Variants in MAGI2 observed in about 807,000 individuals in gnomAD.
The protein encoded by MAGI2 is membrane associated guanylate kinase, WW and PDZ domain containing 2, also known as membrane-associated guanylate kinase, WW and PDZ domain-containing protein 2.
Under a neutral mutation model 133.3 loss-of-function variants are expected in MAGI2, and 35 were observed. That is an observed-to-expected ratio of 0.26 (90% CI 0.20 to 0.35). The LOEUF is 0.35. Ranked by LOEUF, MAGI2 falls within the 10% of genes least tolerant of loss-of-function variation. The probability of loss-of-function intolerance (pLI) is 1.00; values close to 1 mark genes in which losing one functional copy is unlikely to be tolerated. For missense variants in MAGI2, 1,636 were observed against 1,863.4 expected (o/e 0.88, Z 2.25); for synonymous variants, 729 against 710.6 (o/e 1.03, Z -0.41).
At chr7:79,404,981 A>C (rs1033411714) in intron 1 of MAGI2, among the ~76,000 whole-genome samples, 1 of 152,028 alleles carries the variant, frequency 6.6e-6, no homozygotes, top group African/African-American at 2.4e-5. Context: ...ACATGAGTGC[A>C]TGGGTCTCCT....
intron 1 of MAGI2, among the ~76,000 whole-genome samples, chr7:79,378,229 G>T (rs1003182238): frequency 4.0e-5 from 6 of 150,624 alleles, no homozygotes; most frequent in Admixed American, 1.3e-4. Flanking sequence ...GAGACAACAG[G>T]AAAAGGTCAT....
intron 21 of MAGI2, among the ~76,000 whole-genome samples, chr7:78,063,162 C>A (rs1813452354): frequency 6.6e-6 from 1 of 152,158 alleles, no homozygotes; most frequent in Admixed American, 6.5e-5. Flanking sequence ...TTTTACCCTC[C>A]CATTAAAAAA....
chr7:79,096,074 TAACCA>T (rs1375193468), intron 1 of MAGI2, among the ~76,000 whole-genome samples: 1 of 152,128 alleles, frequency 6.6e-6, no homozygotes, highest in East Asian at 1.9e-4. Flanking sequence ...GGCCTCCCCA[TAACCA>T]TTATCCTTTT....
chr7:78,104,195 A>C (rs1818449901), intron 20 of MAGI2, among the ~76,000 whole-genome samples: 1 of 152,114 alleles, frequency 6.6e-6, no homozygotes, highest in African/African-American at 2.4e-5. Flanking sequence ...GGAGCAGCTC[A>C]TGAGAACTTC....
At chr7:78,557,300 C>T (rs767861242) in intron 3 of MAGI2, among the ~76,000 whole-genome samples, 2 of 151,906 alleles carry the variant, frequency 1.3e-5, no homozygotes, top group Non-Finnish European at 2.9e-5. Context: ...TATATCTTGC[C>T]AGAACAACAA....
intron 3 of MAGI2, among the ~76,000 whole-genome samples, chr7:78,604,164 T>C (rs1554495000): frequency 1.3e-5 from 2 of 151,862 alleles, no homozygotes; most frequent in Non-Finnish European, 2.9e-5. Context: ...AAACGATGAG[T>C]AGGATTTAAG....
intron 2 of MAGI2, among the ~76,000 whole-genome samples, chr7:78,870,696 G>A (rs946809165): frequency 2.0e-5 from 3 of 152,130 alleles, no homozygotes; most frequent in Non-Finnish European, 4.4e-5. Flanking sequence ...TCACTCTACT[G>A]GGTATCTACC....
At chr7:78,588,609 C>A (rs1563209475) in intron 3 of MAGI2, among the ~76,000 whole-genome samples, 1 of 152,294 alleles carries the variant, frequency 6.6e-6, no homozygotes, top group African/African-American at 2.4e-5. Context: ...AGATGACTGG[C>A]TGAGCTCCTA....
intron 2 of MAGI2, among the ~76,000 whole-genome samples, chr7:78,689,262 C>A (rs1332546986): frequency 6.6e-6 from 1 of 152,048 alleles, no homozygotes; most frequent in Non-Finnish European, 1.5e-5. Flanking sequence ...TAGATTATAA[C>A]CACAGTACAA....
chr7:79,193,018 G>A (rs1255173426), intron 1 of MAGI2, among the ~76,000 whole-genome samples: 1 of 151,768 alleles, frequency 6.6e-6, no homozygotes, highest in African/African-American at 2.4e-5. Context: ...ATATGTTTGG[G>A]ATGTAAAATC....
chr7:79,283,776 G>A (rs1374027152), intron 1 of MAGI2, among the ~76,000 whole-genome samples: 1 of 151,998 alleles, frequency 6.6e-6, no homozygotes, highest in Non-Finnish European at 1.5e-5. Context: ...GATTATTTTA[G>A]TTGTTTCTTT....
At chr7:79,047,446 T>C (rs1339770379) in intron 1 of MAGI2, among the ~76,000 whole-genome samples, 4 of 152,158 alleles carry the variant, frequency 2.6e-5, no homozygotes, top group South Asian at 2.1e-4. Flanking sequence ...CAGTTCTTTA[T>C]TGACCTACTA....
chr7:78,195,459 T>C (rs866766380), intron 11 of MAGI2, among the ~76,000 whole-genome samples: 1 of 152,206 alleles, frequency 6.6e-6, no homozygotes, highest in Non-Finnish European at 1.5e-5. Context: ...TTTCAACATA[T>C]TACATCACTT....
At chr7:78,919,458 G>A (rs558806195) in intron 2 of MAGI2, among the ~76,000 whole-genome samples, 15 of 152,176 alleles carry the variant, frequency 9.9e-5, no homozygotes, top group Admixed American at 9.2e-4. Context: ...ATTGCATGAT[G>A]TGTTTAACTA....
At position 78,084,650 on chromosome 7, in the gene MAGI2, A is replaced by G. The variant is rs375343388; in HGVS notation, c.3568-5565T>C. ...GGTAGTGACAGGTAAAGTTATAGGA[A>G]ACAAATGCTAGGATTGAGAGTAAGA... is the stretch of plus-strand genomic sequence containing the variant. On this transcript the variant is annotated intron_variant, in intron 20 of 21. Coordinates refer to ENST00000354212, the MANE Select transcript of MAGI2 (RefSeq NM_012301.4). Among the ~76,000 whole-genome samples, 3 of 152,226 alleles carry G rather than the reference A, an allele frequency of 2.0e-5. No homozygotes were observed. The South Asian group carries it at 6.2e-4, about 32-fold the overall frequency.
chr7:78,070,907 A>C (rs1814617863), intron 21 of MAGI2, among the ~76,000 whole-genome samples: 1 of 151,988 alleles, frequency 6.6e-6, no homozygotes, highest in African/African-American at 2.4e-5. Flanking sequence ...TCCTGACCTC[A>C]GGTGATCCAC....
chr7:78,573,266 A>ATATATAAATATATATT (rs1563188640), intron 3 of MAGI2, among the ~76,000 whole-genome samples: 247 of 24,236 alleles, frequency 0.01, 6 homozygotes, highest in African/African-American at 0.03. Flanking sequence ...AAATATAAAT[A>ATATATAAATATATATT]TATATAAATA....
intron 1 of MAGI2, among the ~76,000 whole-genome samples, chr7:79,172,081 T>C (rs982081185): frequency 1.3e-5 from 2 of 151,854 alleles, no homozygotes; most frequent in Non-Finnish European, 2.9e-5. Flanking sequence ...GCAAGTTCGA[T>C]CTCTTCTATT....
intron 11 of MAGI2, among the ~76,000 whole-genome samples, chr7:78,199,175 C>A (rs73148271): frequency 0.037 from 5,628 of 152,218 alleles, 144 homozygotes; most frequent in Non-Finnish European, 0.057. Flanking sequence ...TGTCCAGTCC[C>A]AAGGTGTCCA....
Sources: gnomAD v4.1 joint callset for allele counts (sites outside exome capture counted in the v4.1 genomes callset) on GRCh38, gnomAD v4.1.1 for gene constraint, MANE v1.5 for transcripts, NCBI Gene and HGNC (gene_info 2026-07-23, HGNC 2026-07-21) for gene names.